The following ENOX1 variants were observed in gnomAD, a reference collection of about 807,000 sequenced individuals.
The protein encoded by ENOX1 is candidate growth-related and time keeping constitutive hydroquinone (NADH) oxidase.
ENOX1 carries 42 observed loss-of-function variants against 82.5 expected under a neutral mutation model. That is an observed-to-expected ratio of 0.51 (90% confidence interval 0.40 to 0.66). The LOEUF (loss-of-function observed/expected upper bound fraction) is 0.66, where lower values mean the gene tolerates loss of function less well. Among genes scored for constraint, ENOX1 ranks in the 30% least tolerant of loss-of-function variants. ENOX1 has a pLI of 0.00. For missense variants in ENOX1, 608 were observed against 811.6 expected (o/e 0.75, Z 3.05); for synonymous variants, 271 against 282.2 (o/e 0.96, Z 0.40).
intron 11 of ENOX1, among the ~76,000 whole-genome samples, chr13:43,315,959 C>T (rs1467801129): frequency 2.0e-5 from 3 of 152,212 alleles, no homozygotes; most frequent in Non-Finnish European, 2.9e-5. Context: ...GGGCTGCACA[C>T]AGGCGGCGGT....
intron 3 of ENOX1, among the ~76,000 whole-genome samples, chr13:43,475,415 G>T (rs2058238614): frequency 6.6e-6 from 1 of 152,072 alleles, no homozygotes; most frequent in African/African-American, 2.4e-5. Flanking sequence ...TGCTGAAAAT[G>T]AAACTTGGCA....
At chr13:43,329,243 T>C (rs2048290508) in intron 9 of ENOX1, among the ~76,000 whole-genome samples, 1 of 152,100 alleles carries the variant, frequency 6.6e-6, no homozygotes, top group South Asian at 2.1e-4. Flanking sequence ...CTAACTCTGA[T>C]TGGGAACTTT....
At chr13:43,309,393 G>T (rs1046938540) in intron 11 of ENOX1, among the ~76,000 whole-genome samples, 1 of 152,100 alleles carries the variant, frequency 6.6e-6, no homozygotes. Flanking sequence ...CTCACTCATA[G>T]AGGTCCCTTT....
chr13:43,706,579 A>G (rs1227711878), intron 1 of ENOX1, among the ~76,000 whole-genome samples: 1 of 152,102 alleles, frequency 6.6e-6, no homozygotes, highest in Admixed American at 6.5e-5. Flanking sequence ...CCAAAAATAC[A>G]AGATTAGTTC....
chr13:43,532,039 C>T (rs962648633), intron 2 of ENOX1, among the ~76,000 whole-genome samples: 4 of 151,346 alleles, frequency 2.6e-5, no homozygotes, highest in African/African-American at 9.7e-5. Context: ...CAAACCTGCA[C>T]GTTGTGCACA....
At chr13:43,292,100 GAC>G (rs1309799065) in intron 12 of ENOX1, among the ~76,000 whole-genome samples, 2 of 152,128 alleles carry the variant, frequency 1.3e-5, no homozygotes, top group South Asian at 2.1e-4. Context: ...AAAAGAGAGA[GAC>G]TGAAACACAA....
chr13:43,774,566 C>G (rs1442635313), intron 1 of ENOX1, among the ~76,000 whole-genome samples: 1 of 152,314 alleles, frequency 6.6e-6, no homozygotes, highest in Non-Finnish European at 1.5e-5. Flanking sequence ...GCCTTCAAAG[C>G]TTATGCCCAT....
intron 5 of ENOX1, among the ~76,000 whole-genome samples, chr13:43,410,689 C>G (rs1379685937): frequency 2.0e-5 from 3 of 151,536 alleles, no homozygotes; most frequent in Non-Finnish European, 4.4e-5. Context: ...TCATTTATGG[C>G]CACTATTGAC....
intron 3 of ENOX1, among the ~76,000 whole-genome samples, chr13:43,469,376 G>T (rs1373157994): frequency 6.6e-6 from 1 of 151,856 alleles, no homozygotes; most frequent in Admixed American, 6.6e-5. Flanking sequence ...ATCTTGCTGA[G>T]AATTTTTCTA....
At chr13:43,277,243 T>G (rs527480957) in intron 12 of ENOX1, among the ~76,000 whole-genome samples, 2 of 152,340 alleles carry the variant, frequency 1.3e-5, no homozygotes, top group Non-Finnish European at 1.5e-5. Flanking sequence ...GAATTTTAAA[T>G]GCCATTCTCA....
At chr13:43,425,774 A>G (rs2055261772) in intron 3 of ENOX1, among the ~76,000 whole-genome samples, 1 of 152,250 alleles carries the variant, frequency 6.6e-6, no homozygotes, top group Non-Finnish European at 1.5e-5. Flanking sequence ...ATATTATGAC[A>G]ATTCTAATTA....
At chr13:43,616,170 C>CTATAGATATATAGA (rs1566641829) in intron 2 of ENOX1, among the ~76,000 whole-genome samples, 1 of 7,878 alleles carries the variant, frequency 1.3e-4, no homozygotes, top group African/African-American at 3.1e-4. Flanking sequence ...ATCTATCTAT[C>CTATAGATATATAGA]TATCTATCTA....
chr13:43,546,283 T>C (rs958592293), intron 2 of ENOX1: 1 of 151,742 alleles, frequency 6.6e-6, no homozygotes, highest in African/African-American at 2.4e-5. Context: ...CTCAGATGAG[T>C]TGGCATTAAA....
intron 2 of ENOX1, among the ~76,000 whole-genome samples, chr13:43,499,983 A>G (rs950843269): frequency 6.6e-6 from 1 of 152,044 alleles, no homozygotes; most frequent in Non-Finnish European, 1.5e-5. Flanking sequence ...TCAATCAAGC[A>G]GAAGAAAGAA....
chr13:43,514,369 G>A (rs2077481981), intron 2 of ENOX1, among the ~76,000 whole-genome samples: 2 of 152,152 alleles, frequency 1.3e-5, no homozygotes, highest in Non-Finnish European at 2.9e-5. Flanking sequence ...AGCACCAAAT[G>A]TATTTTTGTC....
At chr13:43,658,492 T>C (rs906954435) in intron 2 of ENOX1, among the ~76,000 whole-genome samples, 1 of 152,192 alleles carries the variant, frequency 6.6e-6, no homozygotes, top group African/African-American at 2.4e-5. Flanking sequence ...AATCATGTAG[T>C]GTTCTATGAT....
intron 2 of ENOX1, among the ~76,000 whole-genome samples, chr13:43,533,451 C>T (rs1269959022): frequency 1.3e-5 from 2 of 151,932 alleles, no homozygotes; most frequent in African/African-American, 2.4e-5. Flanking sequence ...TATATTTTTT[C>T]CATTTCTGAT....
At chr13:43,374,053 T>C (rs2153569806) in intron 5 of ENOX1, among the ~76,000 whole-genome samples, 1 of 151,660 alleles carries the variant, frequency 6.6e-6, no homozygotes, top group South Asian at 2.1e-4. Flanking sequence ...AGATTTTTCA[T>C]TTTCTCCCTT....
intron 2 of ENOX1, among the ~76,000 whole-genome samples, chr13:43,641,529 ATTT>A (rs769737189): frequency 2.4e-5 from 2 of 83,094 alleles, no homozygotes; most frequent in Non-Finnish European, 4.2e-5. Context: ...TTAATTTTTA[ATTT>A]TTTTTTTTTT....
Sources: gnomAD v4.1 joint callset for allele counts (sites outside exome capture counted in the v4.1 genomes callset) on GRCh38, gnomAD v4.1.1 for gene constraint, MANE v1.5 for transcripts, NCBI Gene and HGNC (gene_info 2026-07-23, HGNC 2026-07-21) for gene names.